The following ALPK2 variants were observed in gnomAD, a reference collection of about 807,000 sequenced individuals.
The protein encoded by ALPK2 is alpha-protein kinase 2.
In ALPK2, 127 loss-of-function variants were observed where a neutral mutation model predicts 163.1. The observed-to-expected ratio is 0.78, with a 90% CI of 0.67 to 0.90. ALPK2 has a LOEUF of 0.90. Ranked by LOEUF, ALPK2 falls within the 40% of genes least tolerant of loss-of-function variation. The pLI is 0.00. For synonymous variants in ALPK2, 953 were observed against 959.1 expected, an observed-to-expected ratio of 0.99 and a Z score of 0.12; for missense variants, 2,360 against 2,589.6, an observed-to-expected ratio of 0.91 and a Z score of 1.92.
intron 1 of ALPK2, among the ~76,000 whole-genome samples, chr18:58,625,826 T>A (rs755448041): frequency 3.9e-5 from 6 of 152,234 alleles, no homozygotes. Flanking sequence ...GAGCTTCTCT[T>A]CAACTTGCTG....
chr18:58,529,846 G>C lies in ALPK2; in HGVS notation c.5354-608C>G, dbSNP rs7236526. On this transcript the variant is annotated intron_variant, in intron 5 of 12. Transcript: ENST00000361673. ...TAAGGAAACAATTCCCACTGGTTGGGCTGAGACCTTTGAAATATCACCTCA... is the reference window on the plus strand; with the variant it reads ...TAAGGAAACAATTCCCACTGGTTGGCCTGAGACCTTTGAAATATCACCTCA... 9.9e-3 allele frequency among the ~76,000 whole-genome samples: 1,509 copies of C among 152,318 alleles called. 19 individuals carry two copies. Among genetic ancestry groups the C allele is most frequent in the African/African-American group, 0.034 (1,423 of 41,550 alleles).
intron 8 of ALPK2, among the ~76,000 whole-genome samples, chr18:58,522,512 G>A (rs2051560558): frequency 6.6e-6 from 1 of 152,212 alleles, no homozygotes; most frequent in African/African-American, 2.4e-5. Flanking sequence ...GCATTCATGA[G>A]CAGCAGTGTT....
At chr18:58,497,182 C>A (rs2051405108) in intron 12 of ALPK2, among the ~76,000 whole-genome samples, 1 of 152,248 alleles carries the variant, frequency 6.6e-6, no homozygotes. Flanking sequence ...TCAATGGCAA[C>A]TATCTCCTGA....
intron 2 of ALPK2, 21 bp from the exon 3 acceptor site, chr18:58,607,460 G>A (rs550958600): frequency 2.8e-6 from 4 of 1,448,526 alleles, no homozygotes; most frequent in East Asian, 2.4e-5. Flanking sequence ...AGAAAGAAAA[G>A]TATCCTTATT....
chr18:58,525,857 G>T (rs1410970126), intron 6 of ALPK2, among the ~76,000 whole-genome samples: 2 of 151,258 alleles, frequency 1.3e-5, no homozygotes, highest in Non-Finnish European at 2.9e-5. Context: ...AGTAGTATTA[G>T]TGTGCTTTCT....
chr18:58,572,042 A>C (rs920312459), intron 4 of ALPK2, among the ~76,000 whole-genome samples: 3 of 152,006 alleles, frequency 2.0e-5, no homozygotes, highest in African/African-American at 7.2e-5. Flanking sequence ...ATGCATATAG[A>C]AGTCTCAAAA....
At chr18:58,565,889 C>T (rs2051850421) in intron 4 of ALPK2, among the ~76,000 whole-genome samples, 1 of 152,174 alleles carries the variant, frequency 6.6e-6, no homozygotes, top group Admixed American at 6.5e-5. Context: ...TCAAGCAATT[C>T]TTCTGCCTCA....
At chr18:58,504,986 G>C (rs1054302944) in intron 10 of ALPK2, among the ~76,000 whole-genome samples, 2 of 152,152 alleles carry the variant, frequency 1.3e-5, no homozygotes, top group Admixed American at 1.3e-4. Flanking sequence ...GCAGAGGTTG[G>C]GGGAGGCAGA....
At chr18:58,612,160 G>A (rs1013215175) in intron 1 of ALPK2, among the ~76,000 whole-genome samples, 43 of 152,120 alleles carry the variant, frequency 2.8e-4, no homozygotes, top group African/African-American at 8.2e-4. Flanking sequence ...TAAGAACCAC[G>A]AATCCTATTG....
chr18:58,566,353 G>T (rs994787364), intron 4 of ALPK2: 1 of 152,068 alleles, frequency 6.6e-6, no homozygotes, highest in Non-Finnish European at 1.5e-5. Flanking sequence ...CCTCAGTTTG[G>T]TTTATCTACT....
intron 4 of ALPK2, among the ~76,000 whole-genome samples, chr18:58,539,335 G>A (rs552122948): frequency 8.5e-5 from 13 of 152,276 alleles, no homozygotes; most frequent in Admixed American, 3.3e-4. Flanking sequence ...TTGAGAAAAG[G>A]GGAGAGGGGG....
intron 9 of ALPK2, among the ~76,000 whole-genome samples, chr18:58,515,468 G>A (rs1025977041): frequency 1.3e-5 from 2 of 152,248 alleles, no homozygotes; most frequent in Non-Finnish European, 2.9e-5. Context: ...TTTCAAAGGT[G>A]TAATTGGAGT....
chr18:58,494,004 G>A (rs546100928), intron 12 of ALPK2, among the ~76,000 whole-genome samples: 50 of 152,230 alleles, frequency 3.3e-4, no homozygotes, highest in African/African-American at 1.1e-3. Flanking sequence ...CTGCAATCTC[G>A]TCGCCTCCCC....
chr18:58,608,404 A>G (rs2052109403), intron 2 of ALPK2, among the ~76,000 whole-genome samples: 1 of 152,192 alleles, frequency 6.6e-6, no homozygotes, highest in African/African-American at 2.4e-5. Flanking sequence ...ACCTCCGGGA[A>G]TTTCATCCAC....
At chr18:58,572,850 T>C (rs552075940) in intron 4 of ALPK2, among the ~76,000 whole-genome samples, 1 of 152,314 alleles carries the variant, frequency 6.6e-6, no homozygotes, top group South Asian at 2.1e-4. Context: ...TAGATCTTAA[T>C]ACACACATAC....
intron 3 of ALPK2, among the ~76,000 whole-genome samples, chr18:58,584,864 A>C (rs2051977682): frequency 6.6e-6 from 1 of 152,226 alleles, no homozygotes; most frequent in Admixed American, 6.5e-5. Flanking sequence ...GTCAGGGTGT[A>C]GAATCTTTGC....
chr18:58,538,804 T>C (rs1461731864), intron 4 of ALPK2, among the ~76,000 whole-genome samples: 10 of 152,126 alleles, frequency 6.6e-5, no homozygotes, highest in East Asian at 3.9e-4. Flanking sequence ...CTCTTACGAA[T>C]AGATTTATGC....
chr18:58,537,933 A>G lies in ALPK2; in HGVS notation c.2254T>C (p.Ser752Pro). The G allele has an allele frequency of 6.2e-7, 1 of 1,614,196 alleles. No individual in the cohort carries two copies. Among genetic ancestry groups the G allele is most frequent in the South Asian group, 1.1e-5 (1 of 91,082 alleles). ...AGATGCCTTGAGAACACACCTGGGG[A>G]CATAGTCTCATCATTGGCTTCTGAG... is the stretch of plus-strand genomic sequence containing the variant. The part of the protein sequence containing the change: ...SISEANDETM[S>P]PGVFSRHLPK... The change falls in exon 5 of 13, where the codon TCC becomes CCC. Residue 752 changes from serine (S) to proline (P), a missense_variant. By Grantham distance (74) the Ser-to-Pro change is moderately conservative. Coordinates refer to ENST00000361673, the MANE Select transcript of ALPK2 (RefSeq NM_052947.4).
intron 6 of ALPK2, among the ~76,000 whole-genome samples, chr18:58,527,350 C>G (rs1344911510): frequency 2.0e-5 from 3 of 152,170 alleles, no homozygotes; most frequent in Non-Finnish European, 4.4e-5. Flanking sequence ...TAAATATTCT[C>G]AAGTGTTAGC....
Sources: gnomAD v4.1 joint callset for allele counts (sites outside exome capture counted in the v4.1 genomes callset) on GRCh38, gnomAD v4.1.1 for gene constraint, MANE v1.5 for transcripts, NCBI Gene and HGNC (gene_info 2026-07-23, HGNC 2026-07-21) for gene names.